The following CPVL variants were observed in gnomAD, a reference collection of about 807,000 sequenced individuals.
The protein encoded by CPVL is carboxypeptidase vitellogenic like.
In CPVL, 51 loss-of-function variants were observed where a neutral mutation model predicts 63.7. That is an observed-to-expected ratio of 0.80 (90% CI 0.64 to 1.01). The LOEUF (loss-of-function observed/expected upper bound fraction) is 1.01, where lower values mean the gene tolerates loss of function less well. Among genes scored for constraint, CPVL ranks in the 50% least tolerant of loss-of-function variants. The pLI, the probability that CPVL is intolerant of heterozygous loss-of-function variation, is 0.00. For synonymous variants in CPVL, 195 were observed against 206.0 expected (o/e 0.95, Z 0.46); for missense variants, 530 against 573.1 (o/e 0.92, Z 0.77).
At chr7:29,017,856 T>C (rs906973221) in intron 12 of CPVL, among the ~76,000 whole-genome samples, 4 of 152,222 alleles carry the variant, frequency 2.6e-5, no homozygotes, top group African/African-American at 9.7e-5. Flanking sequence ...AAGTAGAGAA[T>C]CTCTGGGCTG....
chr7:29,063,722 C>G (rs632288), intron 11 of CPVL, among the ~76,000 whole-genome samples: 128,174 of 151,994 alleles, frequency 0.84, 54,098 homozygotes, highest in South Asian at 0.91. Context: ...AGGCACCCGC[C>G]ACCATGTCCA....
At chr7:29,101,737 A>G (rs1490909102) in intron 3 of CPVL, among the ~76,000 whole-genome samples, 1 of 151,772 alleles carries the variant, frequency 6.6e-6, no homozygotes, top group Non-Finnish European at 1.5e-5. Flanking sequence ...CTTCCTAGAG[A>G]TGATCATGGA....
At chr7:29,098,911 A>G (rs1362965865) in intron 3 of CPVL, among the ~76,000 whole-genome samples, 2 of 152,152 alleles carry the variant, frequency 1.3e-5, no homozygotes, top group East Asian at 3.9e-4. Flanking sequence ...AAAAATACAA[A>G]AAAATTAGCT....
intron 5 of CPVL, among the ~76,000 whole-genome samples, chr7:29,157,222 A>G (rs1380269399): frequency 6.6e-6 from 1 of 152,118 alleles, no homozygotes; most frequent in Non-Finnish European, 1.5e-5. Context: ...CACACCTCTG[A>G]GTGGGGAGGA....
At chr7:29,018,642 G>C (rs1029097188) in intron 12 of CPVL, among the ~76,000 whole-genome samples, 4 of 152,134 alleles carry the variant, frequency 2.6e-5, no homozygotes, top group Non-Finnish European at 5.9e-5. Context: ...GCCTCCCAAA[G>C]TGCTTGGATT....
chr7:29,144,981 A>G (rs1211274391), intron 1 of CPVL, among the ~76,000 whole-genome samples: 2 of 151,948 alleles, frequency 1.3e-5, no homozygotes, highest in African/African-American at 4.8e-5. Flanking sequence ...ATAAAAGATT[A>G]ATAAAACAAC....
At chr7:29,040,421 G>A (rs1788953881) in intron 11 of CPVL, among the ~76,000 whole-genome samples, 1 of 152,160 alleles carries the variant, frequency 6.6e-6, no homozygotes, top group South Asian at 2.1e-4. Flanking sequence ...ATCTGTCCAT[G>A]GATAATGCGT....
chr7:29,005,880 A>G (rs1408842736), intron 12 of CPVL, among the ~76,000 whole-genome samples: 1 of 152,216 alleles, frequency 6.6e-6, no homozygotes, highest in Non-Finnish European at 1.5e-5. Context: ...TACTTACTCA[A>G]TATCTAGCTT....
intron 5 of CPVL, among the ~76,000 whole-genome samples, chr7:29,166,327 A>G (rs777745372): frequency 5.9e-5 from 9 of 152,150 alleles, no homozygotes; most frequent in Admixed American, 2.0e-4. Flanking sequence ...ACTGCGCCCA[A>G]CATGGATAGC....
chr7:29,113,157 A>G (rs1350354581), intron 2 of CPVL, among the ~76,000 whole-genome samples: 1 of 152,026 alleles, frequency 6.6e-6, no homozygotes, highest in Non-Finnish European at 1.5e-5. Context: ...CAAGGTGATC[A>G]CCTTGGGCCA....
At chr7:29,022,314 C>T (rs1418050422) in intron 12 of CPVL, among the ~76,000 whole-genome samples, 2 of 152,192 alleles carry the variant, frequency 1.3e-5, no homozygotes, top group African/African-American at 2.4e-5. Context: ...AGTGCCCACA[C>T]GCATCATCTG....
chr7:29,078,107 A>T (rs1298954401), intron 7 of CPVL, among the ~76,000 whole-genome samples: 1 of 152,078 alleles, frequency 6.6e-6, no homozygotes, highest in South Asian at 2.1e-4. Flanking sequence ...TGCTGCAATT[A>T]AAAAAAAGAG....
intron 5 of CPVL, among the ~76,000 whole-genome samples, chr7:29,161,798 A>C (rs1183618172): frequency 6.6e-6 from 1 of 152,258 alleles, no homozygotes; most frequent in Non-Finnish European, 1.5e-5. Flanking sequence ...ATTTATCTAT[A>C]GAATATATAA....
At chr7:29,183,130 G>A (rs1044472948) in intron 4 of CPVL, among the ~76,000 whole-genome samples, 9 of 150,666 alleles carry the variant, frequency 6.0e-5, no homozygotes, top group Admixed American at 2.0e-4. Flanking sequence ...TGTTGCCTAG[G>A]CTGGAGTGCA....
intron 7 of CPVL, among the ~76,000 whole-genome samples, chr7:29,072,985 C>T (rs1783894372): frequency 6.6e-6 from 1 of 152,110 alleles, no homozygotes; most frequent in Non-Finnish European, 1.5e-5. Context: ...GATATATTTC[C>T]CCTAACAAAC....
intron 3 of CPVL, 100 bp downstream of exon 3, chr7:29,112,604 G>A (rs1027234340): frequency 1.4e-6 from 1 of 727,780 alleles, no homozygotes; most frequent in Non-Finnish European, 2.3e-6. Context: ...AAATCTATGA[G>A]ATTTTTTTTT....
intron 1 of CPVL, among the ~76,000 whole-genome samples, chr7:29,130,176 G>C (rs767096298): frequency 2.6e-5 from 4 of 152,216 alleles, no homozygotes; most frequent in Non-Finnish European, 5.9e-5. Flanking sequence ...GGAAGACTAT[G>C]GAAGGAGTTG....
chr7:29,022,562 C>T (rs1423694295), intron 12 of CPVL, among the ~76,000 whole-genome samples: 1 of 152,210 alleles, frequency 6.6e-6, no homozygotes, highest in Non-Finnish European at 1.5e-5. Flanking sequence ...ATCCAGGAGT[C>T]TAGGGATTGA....
At chr7:29,131,260 G>C (rs1194233099) in intron 1 of CPVL, among the ~76,000 whole-genome samples, 1 of 152,110 alleles carries the variant, frequency 6.6e-6, no homozygotes, top group Non-Finnish European at 1.5e-5. Flanking sequence ...AAGAACATTA[G>C]GATACACCGG....
Sources: gnomAD v4.1 joint callset for allele counts (sites outside exome capture counted in the v4.1 genomes callset) on GRCh38, gnomAD v4.1.1 for gene constraint, MANE v1.5 for transcripts, NCBI Gene and HGNC (gene_info 2026-07-23, HGNC 2026-07-21) for gene names.